The following KPNA6 variants were observed in gnomAD, a reference collection of about 807,000 sequenced individuals.
KPNA6 encodes importin subunit alpha-7.
KPNA6 carries 9 observed loss-of-function variants against 72.0 expected under a neutral mutation model. That is an observed-to-expected ratio of 0.13 (90% CI 0.08 to 0.22). The LOEUF is 0.22. KPNA6 is among the 10% of genes least tolerant of loss of function. The pLI, the probability that KPNA6 is intolerant of heterozygous loss-of-function variation, is 1.00. For synonymous variants in KPNA6, 219 were observed against 242.1 expected (o/e 0.90, Z 0.89); for missense variants, 374 against 655.7 (o/e 0.57, Z 4.69).
intron 1 of KPNA6, among the ~76,000 whole-genome samples, chr1:32,112,112 G>A (rs1472237119): frequency 6.6e-6 from 1 of 152,206 alleles, no homozygotes; most frequent in African/African-American, 2.4e-5. Flanking sequence ...GGGAAGGGAA[G>A]CCTGGGGAAC....
chr1:32,153,990 T>C (rs2124056782), intron 1 of KPNA6, among the ~76,000 whole-genome samples: 1 of 152,054 alleles, frequency 6.6e-6, no homozygotes. Flanking sequence ...CTACTAAAAA[T>C]ATAAAAATTA....
intron 1 of KPNA6, among the ~76,000 whole-genome samples, chr1:32,118,997 C>CATATATATATATATATATAT (rs71578197): frequency 6.7e-5 from 4 of 59,828 alleles, no homozygotes; most frequent in African/African-American, 6.6e-5. Flanking sequence ...TGTGTGTATA[C>CATATATATATATATATATAT]ATATATATAT....
At chr1:32,162,312 T>G (rs972865555) in intron 8 of KPNA6, 49 bp from the exon 9 acceptor site, 9 of 1,510,916 alleles carry the variant, frequency 6.0e-6, no homozygotes, top group Non-Finnish European at 7.1e-6. Context: ...GTGATAGAGC[T>G]GATATAGTCT....
intron 1 of KPNA6, among the ~76,000 whole-genome samples, chr1:32,120,895 GTC>G (rs1432013628): frequency 7.0e-6 from 1 of 143,608 alleles, no homozygotes; most frequent in Non-Finnish European, 1.5e-5. Context: ...TTTTGACAGA[GTC>G]TTGCTCTGTC....
At chr1:32,132,456 C>A (rs1641655412) in intron 1 of KPNA6, among the ~76,000 whole-genome samples, 1 of 152,154 alleles carries the variant, frequency 6.6e-6, no homozygotes, top group African/African-American at 2.4e-5. Flanking sequence ...CCATGTCTGG[C>A]TTTTTGTATT....
intron 1 of KPNA6, among the ~76,000 whole-genome samples, chr1:32,133,194 A>G (rs1223423434): frequency 6.6e-6 from 1 of 151,742 alleles, no homozygotes; most frequent in Non-Finnish European, 1.5e-5. Context: ...AAATACGAAA[A>G]TTAGCCGGGT....
chr1:32,166,024 C>G, intron 10 of KPNA6, 81 bp from the exon 11 acceptor site: 2 of 1,436,960 alleles, frequency 1.4e-6, no homozygotes, highest in Non-Finnish European at 9.3e-7. Context: ...ACAACAACAA[C>G]AACAACAACA....
At chr1:32,112,349 C>G (rs1378748381) in intron 1 of KPNA6, among the ~76,000 whole-genome samples, 1 of 152,100 alleles carries the variant, frequency 6.6e-6, no homozygotes, top group African/African-American at 2.4e-5. Context: ...AAGTTTGGTT[C>G]CAGACCACTG....
At chr1:32,169,845 G>A (rs1642406090) in intron 12 of KPNA6, 37 bp from the exon 13 acceptor site, 3 of 1,595,878 alleles carry the variant, frequency 1.9e-6, no homozygotes, top group Non-Finnish European at 2.6e-6. Flanking sequence ...CATGTGTCCT[G>A]TACTAGTTTA....
intron 12 of KPNA6, among the ~76,000 whole-genome samples, chr1:32,168,014 A>G (rs1185027455): frequency 6.6e-6 from 1 of 152,160 alleles, no homozygotes; most frequent in Non-Finnish European, 1.5e-5. Flanking sequence ...ACAAAAATGT[A>G]AAAATTAGCA....
chr1:32,142,231 G>C (rs1259767809), intron 1 of KPNA6, among the ~76,000 whole-genome samples: 1 of 144,178 alleles, frequency 6.9e-6, no homozygotes, highest in East Asian at 2.0e-4. Context: ...ATTCCTGCCT[G>C]GGTGACAGAG....
chr1:32,151,971 G>T (rs186345059), intron 1 of KPNA6, among the ~76,000 whole-genome samples: 57 of 152,294 alleles, frequency 3.7e-4, no homozygotes, highest in Admixed American at 2.6e-3. Flanking sequence ...ATTAAACTAC[G>T]GGGTAAAATG....
intron 4 of KPNA6, among the ~76,000 whole-genome samples, chr1:32,157,934 A>C (rs1642172909): frequency 6.6e-6 from 1 of 152,194 alleles, no homozygotes. Context: ...AGTCTTCCCA[A>C]GAAGAGAGTA....
At chr1:32,164,989 C>T (rs1328446142) in intron 10 of KPNA6, among the ~76,000 whole-genome samples, 1 of 152,154 alleles carries the variant, frequency 6.6e-6, no homozygotes. Flanking sequence ...CCTCTGCCTC[C>T]TGAGCTCAAA....
chr1:32,134,256 CAA>C (rs34653548), intron 1 of KPNA6, among the ~76,000 whole-genome samples: 36 of 109,512 alleles, frequency 3.3e-4, no homozygotes, highest in African/African-American at 4.1e-4. Flanking sequence ...CACTTCGTCT[CAA>C]AAAAAAAAAA....
chr1:32,123,497 A>G (rs1328980916), intron 1 of KPNA6, among the ~76,000 whole-genome samples: 3 of 151,836 alleles, frequency 2.0e-5, no homozygotes, highest in South Asian at 2.1e-4. Context: ...TCCCAGCACT[A>G]TGGGAGACTG....
intron 10 of KPNA6, among the ~76,000 whole-genome samples, chr1:32,165,211 CTTTCT>C (rs1642311040): frequency 6.6e-6 from 1 of 152,086 alleles, no homozygotes; most frequent in South Asian, 2.1e-4. Flanking sequence ...CCCAGACCAA[CTTTCT>C]TTTCTTTTTT....
At position 32,138,659 on chromosome 1, in the gene KPNA6, A is replaced by G. The variant is rs553750504; in HGVS notation, c.5-15929A>G. 2.2e-4 allele frequency among the ~76,000 whole-genome samples: 33 copies of G among 152,182 alleles called. No individual in the cohort carries two copies. In the Middle Eastern group the frequency reaches 0.01, roughly 47 times the overall value. ...AGGTAGGATTTTGGTACACACTGACATTGAGAGGTTGGCTCTGGAAGATGA... is the reference window on the plus strand; with the variant it reads ...AGGTAGGATTTTGGTACACACTGACGTTGAGAGGTTGGCTCTGGAAGATGA... On this transcript the variant is annotated intron_variant, in intron 1 of 13. Coordinates refer to ENST00000373625, the MANE Select transcript of KPNA6 (RefSeq NM_012316.5).
At chr1:32,158,749 A>G (rs556812703) in intron 5 of KPNA6, among the ~76,000 whole-genome samples, 2 of 152,316 alleles carry the variant, frequency 1.3e-5, no homozygotes, top group African/African-American at 4.8e-5. Context: ...GGATACTTCT[A>G]TTGACATATC....
Sources: allele counts gnomAD v4.1 joint callset (sites outside exome capture counted in the v4.1 genomes callset), GRCh38; gene constraint gnomAD v4.1.1; transcripts MANE v1.5; gene names NCBI Gene and HGNC (gene_info 2026-07-23, HGNC 2026-07-21).